The following PARVG variants were observed in gnomAD, a reference collection of about 807,000 sequenced individuals.
PARVG encodes parvin gamma.
A neutral mutation model predicts 44.4 loss-of-function variants in PARVG; 36 were observed. The observed-to-expected ratio is 0.81, with a 90% confidence interval of 0.62 to 1.07. PARVG has a LOEUF of 1.07. Among genes scored for constraint, PARVG ranks in the 50% least tolerant of loss-of-function variants. The probability of loss-of-function intolerance (pLI) is 0.00; values close to 1 mark genes in which losing one functional copy is unlikely to be tolerated. For missense variants in PARVG, 407 were observed against 407.4 expected, an observed-to-expected ratio of 1.00 and a Z score of 0.01; for synonymous variants, 170 against 174.1, an observed-to-expected ratio of 0.98 and a Z score of 0.19.
At chr22:44,183,607 T>G (rs768315350) in intron 3 of PARVG, 199 bp downstream of exon 3, 169 of 525,652 alleles carry the variant, frequency 3.2e-4, no homozygotes, top group Non-Finnish European at 7.6e-5. Context: ...ACCTCTTCTC[T>G]CCAGATGAGA....
chr22:44,197,182 G>C (rs1023499523), intron 11 of PARVG, among the ~76,000 whole-genome samples: 2 of 152,134 alleles, frequency 1.3e-5, no homozygotes, highest in African/African-American at 4.8e-5. Flanking sequence ...CATGAAGATC[G>C]TAGCCAGAGC....
upstream of PARVG, among the ~76,000 whole-genome samples, chr22:44,177,638 G>A (rs1416798650): frequency 1.3e-5 from 2 of 152,212 alleles, no homozygotes; most frequent in South Asian, 2.1e-4. Context: ...CAGGTTATGC[G>A]TTTTCGGTAG....
intron 9 of PARVG, 111 bp downstream of exon 9, chr22:44,193,934 G>A: frequency 7.3e-7 from 1 of 1,375,864 alleles, no homozygotes; most frequent in Non-Finnish European, 1.0e-6. Context: ...CCTGTCACTT[G>A]CTGTTTGTAT....
At chr22:44,185,992 G>C in intron 4 of PARVG, 120 bp downstream of exon 4, 1 of 724,742 alleles carries the variant, frequency 1.4e-6, no homozygotes, top group Admixed American at 2.8e-5. Context: ...GGGGGGTGGC[G>C]ACCCCCGAAG....
chr22:44,179,039 CAT>C (rs1447210378), upstream of PARVG, among the ~76,000 whole-genome samples: 5 of 151,442 alleles, frequency 3.3e-5, no homozygotes, highest in African/African-American at 4.9e-5. This position sits in a 1 kb window ranked among gnomAD's most constrained non-coding sequence, Gnocchi z 4.2. Flanking sequence ...ATACACGTAA[CAT>C]AAAATGTACT....
chr22:44,206,248 A>C (rs1182392565), intron 13 of PARVG, 69 bp from the exon 14 acceptor site: 6 of 1,130,180 alleles, frequency 5.3e-6, no homozygotes, highest in Non-Finnish European at 7.9e-6. Flanking sequence ...GGAAACCTTG[A>C]CCACATCGGG....
rs2054392331 is a variant in PARVG at position 44,182,202 on chromosome 22, G to T, written c.-13+285G>T. Among the ~76,000 whole-genome samples the T allele has an allele frequency of 6.6e-6, 1 of 152,156 alleles. No homozygotes were observed. Among genetic ancestry groups the T allele is most frequent in the African/African-American group, 2.4e-5 (1 of 41,422 alleles). On this transcript the variant is annotated intron_variant, in intron 2 of 13. Transcript: ENST00000444313. The surrounding 1 kb of genome is among the most constrained non-coding windows in gnomAD (Gnocchi z 4.6). ...AACTGAGGCCCTGGGGCCAGGAAGG[G>T]GCTTGCCCAGGCTGCTGATCCCTTT...
At chr22:44,198,941 CCCACCCATCCATCCAT>C (rs2054661358) in intron 12 of PARVG, among the ~76,000 whole-genome samples, 1 of 22,662 alleles carries the variant, frequency 4.4e-5, no homozygotes, top group African/African-American at 1.2e-4. Context: ...CATCCATCCA[CCCACCCATCCATCCAT>C]CCATCCATCC....
intron 1 of PARVG, chr22:44,173,286 G>A: frequency 9.4e-7 from 1 of 1,061,054 alleles, no homozygotes; most frequent in Non-Finnish European, 1.2e-6. Context: ...GACACATGGA[G>A]GTGGTCTCCT....
At chr22:44,190,050 G>A (rs1370267522) in intron 6 of PARVG, among the ~76,000 whole-genome samples, 2 of 152,130 alleles carry the variant, frequency 1.3e-5, no homozygotes, top group Non-Finnish European at 2.9e-5. Flanking sequence ...AGAAAACTGA[G>A]GCTGAAAGAA....
chr22:44,198,618 T>A lies in PARVG; in HGVS notation c.712-3T>A, dbSNP rs756574299. ...TGATTGTCTCCAGTTCCTTCCTTTG[T>A]AGTTTGCAGATGGGGTCATCTTACT... On this transcript the variant is annotated splice_polypyrimidine_tract_variant and splice_region_variant and intron_variant, in intron 11 of 13. Coordinates refer to ENST00000444313, the MANE Select transcript of PARVG (RefSeq NM_022141.7). The A allele has an allele frequency of 5.0e-6, 8 of 1,608,566 alleles. No homozygotes were observed. The Admixed American group carries it at 1.2e-4, about 23-fold the overall frequency.
In PARVG at chr22:44,183,317, G is replaced by T; in HGVS notation, c.-12-1G>T. The T allele has an allele frequency of 6.2e-7, 1 of 1,606,742 alleles. No individual in the cohort carries two copies. ...CGCCCTCTCCTGCCTCCTCTGTGCA[G>T]GCTTGGGAGGCGATGGAGCCGGAGT... On this transcript the variant is annotated splice_acceptor_variant, in intron 2 of 13. Coordinates refer to ENST00000444313, the MANE Select transcript of PARVG (RefSeq NM_022141.7). LOFTEE classifies it low-confidence loss of function (5UTR_SPLICE).
At chr22:44,204,255 C>A (rs139176) in intron 12 of PARVG, among the ~76,000 whole-genome samples, 71,038 of 152,070 alleles carry the variant, frequency 0.47, 16,541 homozygotes, top group Middle Eastern at 0.49. Context: ...CATGTCCCCA[C>A]GTGGAGAAGG....
chr22:44,183,367 C>G lies in PARVG; in HGVS notation c.38C>G (p.Pro13Arg). 6.2e-7 allele frequency: 1 copy of G among 1,610,144 alleles called. No homozygotes were observed. The highest frequency in any genetic ancestry group is 1.1e-5 in the South Asian group (1 of 89,954). The change falls in exon 3 of 14, where the codon CCC (proline) becomes CGC (arginine). Residue 13 changes from proline (P) to arginine (R), a missense_variant. Physicochemically the swap from Pro to Arg is moderately radical, Grantham distance 103. Transcript: ENST00000444313. ...TTCTTGTACGACCTGCTGCAGCTCCCCAAGGGGGTGGAGCCCCCAGCGGAG... is the reference window on the plus strand; with the variant it reads ...TTCTTGTACGACCTGCTGCAGCTCCGCAAGGGGGTGGAGCCCCCAGCGGAG... Reference protein sequence around the residue: ...PEFLYDLLQLPKGVEPPAEEE... With the variant: ...PEFLYDLLQLRKGVEPPAEEE...
At chr22:44,183,951 C>A in intron 3 of PARVG, 2 of 248,104 alleles carry the variant, frequency 8.1e-6, no homozygotes, top group Non-Finnish European at 1.5e-5. Context: ...CGTGTGGGTC[C>A]CTTTCAAAAG....
intron 3 of PARVG, chr22:44,185,556 G>T: frequency 2.5e-6 from 1 of 402,496 alleles, no homozygotes; most frequent in Admixed American, 3.6e-5. Context: ...TCAAACATAG[G>T]ATACCCAGTT....
upstream of PARVG, among the ~76,000 whole-genome samples, chr22:44,178,619 G>A (rs1260288404): frequency 1.3e-5 from 2 of 152,182 alleles, no homozygotes; most frequent in African/African-American, 4.8e-5. Flanking sequence ...TCAGTCCACA[G>A]AAGCAGACCA....
Position 44,206,557 on chromosome 22 carries a change from G to A in PARVG, c.*131G>A, listed in dbSNP as rs1392738015. The A allele has an allele frequency of 2.6e-6, 2 of 760,604 alleles. No individual in the cohort carries two copies. The highest frequency in any genetic ancestry group is 4.5e-6 in the Non-Finnish European group (2 of 443,860). The allele number at this position is 760,604 out of a possible 1,614,324, so 47.1% of individuals were successfully genotyped here. ...CCGCTTCCCTCCCACCCTGTCTCCT[G>A]TCTCCATCGTTGGATTATCTTTGAA... On this transcript the variant is annotated 3_prime_UTR_variant, in exon 14 of 14. Coordinates refer to ENST00000444313, the MANE Select transcript of PARVG (RefSeq NM_022141.7).
At position 44,190,568 on chromosome 22, in the gene PARVG, C is replaced by A. The variant is rs897023733; in HGVS notation, c.406C>A (p.Leu136Met). ...CTTCCCAGGCATCTTCAACAAGGAC[C>A]TGTTGTCTACCCTGCACCTCCTTGT... The part of the protein sequence containing the change: ...WSVESIFNKD[L>M]LSTLHLLVAL... Residue 136 changes from leucine to methionine, a missense_variant, in exon 7 of 14, where the codon CTG becomes ATG. By Grantham distance (15) the Leu-to-Met change is conservative. Coordinates refer to ENST00000444313, the MANE Select transcript of PARVG (RefSeq NM_022141.7). The A allele has an allele frequency of 3.7e-6, 6 of 1,614,016 alleles. No homozygotes were observed. Among genetic ancestry groups the A allele is most frequent in the Non-Finnish European group, 5.1e-6 (6 of 1,179,974 alleles).
Sources: allele counts gnomAD v4.1 joint callset (sites outside exome capture counted in the v4.1 genomes callset), GRCh38; gene constraint gnomAD v4.1.1; non-coding constraint Gnocchi (gnomAD v3.1); transcripts MANE v1.5; gene names NCBI Gene and HGNC (gene_info 2026-07-23, HGNC 2026-07-21).